RHOJ: variants seen among roughly 807,000 people sequenced by gnomAD.
The protein encoded by RHOJ is ras homolog family member J.
Under a neutral mutation model 23.4 loss-of-function variants are expected in RHOJ, and 11 were observed. The observed-to-expected ratio is 0.47, with a 90% CI of 0.30 to 0.78. The LOEUF (loss-of-function observed/expected upper bound fraction) is 0.78, where lower values mean the gene tolerates loss of function less well. RHOJ is among the 30% of genes least tolerant of loss of function. The probability of loss-of-function intolerance (pLI) is 0.08; values close to 1 mark genes in which losing one functional copy is unlikely to be tolerated. For missense variants in RHOJ, 254 were observed against 273.4 expected (o/e 0.93, Z 0.50); for synonymous variants, 102 against 102.7 (o/e 0.99, Z 0.04).
At chr14:63,211,325 G>A (rs369620894) in intron 1 of RHOJ, among the ~76,000 whole-genome samples, 13 of 152,148 alleles carry the variant, frequency 8.5e-5, no homozygotes, top group African/African-American at 2.9e-4. Context: ...GAAGACACCC[G>A]AGAGTCTCTC....
intron 1 of RHOJ, among the ~76,000 whole-genome samples, chr14:63,229,840 T>A (rs1894658390): frequency 6.6e-6 from 1 of 152,188 alleles, no homozygotes; most frequent in Non-Finnish European, 1.5e-5. Flanking sequence ...AACAGTAACA[T>A]AAACATGGAA....
intron 1 of RHOJ, among the ~76,000 whole-genome samples, chr14:63,263,946 A>G (rs185644004): frequency 6.6e-6 from 1 of 151,056 alleles, no homozygotes; most frequent in Admixed American, 6.6e-5. Flanking sequence ...CATCCTCAGG[A>G]ACTCAGCTCA....
At chr14:63,287,142 T>C (rs1401993035) in intron 4 of RHOJ, among the ~76,000 whole-genome samples, 1 of 152,248 alleles carries the variant, frequency 6.6e-6, no homozygotes, top group Non-Finnish European at 1.5e-5. Flanking sequence ...ACCTTTACTA[T>C]ATCCGTAACA....
chr14:63,257,058 C>G (rs1176008458), intron 1 of RHOJ, among the ~76,000 whole-genome samples: 1 of 129,006 alleles, frequency 7.8e-6, no homozygotes, highest in African/African-American at 2.9e-5. Context: ...GGTGATAGAG[C>G]GTGACTCTGT....
intron 4 of RHOJ, among the ~76,000 whole-genome samples, chr14:63,285,501 C>T (rs1016095286): frequency 1.3e-5 from 2 of 152,148 alleles, no homozygotes; most frequent in African/African-American, 4.8e-5. Flanking sequence ...CATTTTCCAC[C>T]TAACATCTCT....
intron 1 of RHOJ, among the ~76,000 whole-genome samples, chr14:63,256,455 G>C (rs1895166807): frequency 6.6e-6 from 1 of 152,084 alleles, no homozygotes; most frequent in Non-Finnish European, 1.5e-5. Flanking sequence ...GGAGGGAGAG[G>C]CGTAAGCTTC....
At chr14:63,275,147 C>T (rs549989539) in intron 2 of RHOJ, among the ~76,000 whole-genome samples, 46 of 152,168 alleles carry the variant, frequency 3.0e-4, no homozygotes, top group African/African-American at 1.0e-3. Flanking sequence ...TAGCGAGACC[C>T]TATCTCTACA....
chr14:63,282,503 T>C (rs1276930637), intron 3 of RHOJ, among the ~76,000 whole-genome samples: 1 of 152,158 alleles, frequency 6.6e-6, no homozygotes, highest in Non-Finnish European at 1.5e-5. Flanking sequence ...AATCCAGATA[T>C]ATAAATGCTA....
intron 1 of RHOJ, among the ~76,000 whole-genome samples, chr14:63,218,594 T>TAA (rs1477418385): frequency 6.6e-6 from 1 of 152,210 alleles, no homozygotes; most frequent in African/African-American, 2.4e-5. Context: ...TCCTATCAGT[T>TAA]AACACATTAA....
At chr14:63,229,107 T>C (rs1894645281) in intron 1 of RHOJ, among the ~76,000 whole-genome samples, 1 of 152,208 alleles carries the variant, frequency 6.6e-6, no homozygotes, top group East Asian at 1.9e-4. Flanking sequence ...AAAATGCTCG[T>C]CAAGAAAAAG....
intron 1 of RHOJ, among the ~76,000 whole-genome samples, chr14:63,222,542 T>C (rs1894516993): frequency 6.6e-6 from 1 of 152,196 alleles, no homozygotes. Flanking sequence ...TGGTATCTCA[T>C]TGTGGTTGTG....
intron 1 of RHOJ, among the ~76,000 whole-genome samples, chr14:63,225,464 G>A (rs577346031): frequency 2.4e-4 from 37 of 152,146 alleles, no homozygotes; most frequent in African/African-American, 4.8e-4. Context: ...TCTCAAATGC[G>A]TACTGAGAGT....
chr14:63,283,943 G>A (rs1226900893), intron 4 of RHOJ, among the ~76,000 whole-genome samples: 2 of 152,114 alleles, frequency 1.3e-5, no homozygotes, highest in Non-Finnish European at 2.9e-5. Context: ...AAAAATATTC[G>A]AGAGGGTGGA....
chr14:63,278,706 G>A (rs936756443), intron 2 of RHOJ, among the ~76,000 whole-genome samples: 1 of 152,102 alleles, frequency 6.6e-6, no homozygotes, highest in Non-Finnish European at 1.5e-5. Flanking sequence ...AAATGGGCCA[G>A]GTATGGTGAC....
intron 1 of RHOJ, among the ~76,000 whole-genome samples, chr14:63,235,345 T>C (rs1894770161): frequency 6.6e-6 from 1 of 152,210 alleles, no homozygotes; most frequent in Non-Finnish European, 1.5e-5. Flanking sequence ...TGTAGGCAAT[T>C]AAGGACATTT....
intron 1 of RHOJ, among the ~76,000 whole-genome samples, chr14:63,217,297 C>T (rs887897986): frequency 2.8e-5 from 4 of 143,748 alleles, no homozygotes; most frequent in South Asian, 2.3e-4. Context: ...TCCATGTGAT[C>T]TCATTGTTCA....
chr14:63,222,029 C>T (rs1230935122), intron 1 of RHOJ, among the ~76,000 whole-genome samples: 1 of 140,316 alleles, frequency 7.1e-6, no homozygotes, highest in Non-Finnish European at 1.5e-5. Flanking sequence ...TGTGTCCAAG[C>T]GTTCTCATTG....
At chr14:63,287,832 G>A (rs913998281) in intron 4 of RHOJ, among the ~76,000 whole-genome samples, 2 of 152,106 alleles carry the variant, frequency 1.3e-5, no homozygotes, top group African/African-American at 4.8e-5. Context: ...CCTCCCAGAT[G>A]GCTTCTAAAT....
chr14:63,287,735 CT>C (rs1882126232), intron 4 of RHOJ, among the ~76,000 whole-genome samples: 1 of 151,952 alleles, frequency 6.6e-6, no homozygotes, highest in Non-Finnish European at 1.5e-5. Context: ...TCAATCTCTA[CT>C]TTTTTCTTGA....
Sources: gnomAD v4.1 joint callset for allele counts (sites outside exome capture counted in the v4.1 genomes callset) on GRCh38, gnomAD v4.1.1 for gene constraint, MANE v1.5 for transcripts, NCBI Gene and HGNC (gene_info 2026-07-23, HGNC 2026-07-21) for gene names.